Variants in NCOA5 observed in about 807,000 individuals in gnomAD.
NCOA5 encodes NCoA-5.
NCOA5 carries 12 observed loss-of-function variants against 59.0 expected under a neutral mutation model. The ratio of observed to expected loss-of-function variants is 0.20; its 90% CI spans 0.13 to 0.33. NCOA5 has a LOEUF of 0.33. Ranked by LOEUF, NCOA5 falls within the 10% of genes least tolerant of loss-of-function variation. The pLI is 1.00. For synonymous variants in NCOA5, 270 were observed against 275.5 expected (o/e 0.98, Z 0.20); for missense variants, 655 against 766.6 (o/e 0.85, Z 1.72).
In NCOA5 at chr20:46,062,248, G is replaced by T; in HGVS notation, c.*52C>A. 7.0e-7 allele frequency: 1 copy of T among 1,425,802 alleles called. No homozygotes were observed. Among genetic ancestry groups the T allele is most frequent in the Non-Finnish European group, 9.6e-7 (1 of 1,036,278 alleles). The allele number at this position is 1,425,802 out of a possible 1,614,324, so 88.3% of individuals were successfully genotyped here. On this transcript the variant is annotated 3_prime_UTR_variant, in exon 8 of 8. Coordinates refer to ENST00000290231, the MANE Select transcript of NCOA5 (RefSeq NM_020967.3). ...AAACAGCTCTATTTAGAACAAGTAAGTGGGAGGAGGCCAGGGGATGAGGGG... is the reference window on the plus strand; with the variant it reads ...AAACAGCTCTATTTAGAACAAGTAATTGGGAGGAGGCCAGGGGATGAGGGG...
At chr20:46,085,738 C>G (rs2085038733) in intron 1 of NCOA5, among the ~76,000 whole-genome samples, 1 of 152,016 alleles carries the variant, frequency 6.6e-6, no homozygotes, top group Non-Finnish European at 1.5e-5. Flanking sequence ...TGGACTAGAT[C>G]CAGATTGCAA....
intron 5 of NCOA5, among the ~76,000 whole-genome samples, chr20:46,066,273 G>A (rs1359251492): frequency 6.6e-6 from 1 of 152,160 alleles, no homozygotes; most frequent in Non-Finnish European, 1.5e-5. Context: ...TGTAAAACAG[G>A]GATGCAGTGA....
rs146685736 is a variant in NCOA5 at position 46,077,078 on chromosome 20, C to T, written c.38+2309G>A. ...GAGTACAGGCAAGAGCCATGACGCC[C>T]GGCTATTTTTTTGTAGAGATGGGGT... On this transcript the variant is annotated intron_variant, in intron 2 of 7. Coordinates refer to ENST00000290231, the MANE Select transcript of NCOA5 (RefSeq NM_020967.3). Among the ~76,000 whole-genome samples the T allele has an allele frequency of 4.5e-4, 69 of 152,150 alleles. No homozygotes were observed. The East Asian group carries it at 6.4e-3, about 14-fold the overall frequency.
intron 2 of NCOA5, among the ~76,000 whole-genome samples, chr20:46,074,451 T>G (rs1374549562): frequency 1.3e-5 from 2 of 152,040 alleles, no homozygotes; most frequent in African/African-American, 4.8e-5. Context: ...CACTAGAGGA[T>G]AAAAAGAAAC....
At chr20:46,079,573 A>C (rs541881258) in intron 1 of NCOA5, 120 bp from the exon 2 acceptor site, 1 of 813,644 alleles carries the variant, frequency 1.2e-6, no homozygotes, top group Non-Finnish European at 2.0e-6. Flanking sequence ...GTGTAAGAAA[A>C]GCCATTCAGC....
Position 46,079,454 on chromosome 20 carries a change from C to A in NCOA5, c.-29-1G>T. On this transcript the variant is annotated splice_acceptor_variant, in intron 1 of 7. Transcript: ENST00000290231. LOFTEE classifies it low-confidence loss of function (5UTR_SPLICE). The stretch of plus-strand genomic sequence containing the variant: ...CTTCTTTCCGCTGCCTTATTAATAT[C>A]TGAAAAGAATAATCAACCCATCTGT... 1 of 1,611,272 alleles carries A rather than the reference C, an allele frequency of 6.2e-7. No individual in the cohort carries two copies. Among genetic ancestry groups the A allele is most frequent in the Non-Finnish European group, 8.5e-7 (1 of 1,177,602 alleles).
At chr20:46,075,167 C>G (rs752891010) in intron 2 of NCOA5, among the ~76,000 whole-genome samples, 8 of 152,188 alleles carry the variant, frequency 5.3e-5, no homozygotes, top group Non-Finnish European at 1.2e-4. Context: ...AGGATATGGA[C>G]GTGCAATGAG....
chr20:46,085,070 G>A (rs1000196533), intron 1 of NCOA5, among the ~76,000 whole-genome samples: 1 of 152,172 alleles, frequency 6.6e-6, no homozygotes, highest in Non-Finnish European at 1.5e-5. Context: ...CAGCTCTGTT[G>A]TCCAGGCTGG....
Position 46,070,220 on chromosome 20 carries a change from G to A in NCOA5, c.355C>T (p.Pro119Ser), listed in dbSNP as rs758646068. The A allele has an allele frequency of 3.3e-5, 54 of 1,613,650 alleles. No homozygotes were observed. In the South Asian group the frequency reaches 5.7e-4, roughly 17 times the overall value. ...RYRDMRDSRD[P>S]MYRREGSYDR... ...TAACTACGTATGTACCTGTACATAG[G>A]ATCTCGGGAGTCTCTCATGTCTCTG... Residue 119 changes from proline (P) to serine (S), a missense_variant, in exon 3 of 8, where the codon CCT becomes TCT. Coordinates refer to ENST00000290231, the MANE Select transcript of NCOA5 (RefSeq NM_020967.3).
intron 2 of NCOA5, among the ~76,000 whole-genome samples, chr20:46,075,634 T>C (rs1280351217): frequency 6.6e-6 from 1 of 152,214 alleles, no homozygotes; most frequent in East Asian, 1.9e-4. Context: ...GTCTTACTTC[T>C]TGTACCTAGA....
intron 2 of NCOA5, among the ~76,000 whole-genome samples, chr20:46,075,772 G>A (rs2084931653): frequency 6.6e-6 from 1 of 152,316 alleles, no homozygotes; most frequent in East Asian, 1.9e-4. Context: ...CTAATGCTTA[G>A]TATCGATGCT....
intron 7 of NCOA5, 72 bp downstream of exon 7, chr20:46,063,288 C>A (rs1409266875): frequency 6.7e-7 from 1 of 1,500,492 alleles, no homozygotes; most frequent in East Asian, 2.3e-5. Flanking sequence ...GGCCTGACAC[C>A]CTCCCAACAG....
At position 46,062,046 on chromosome 20, in the gene NCOA5, C is replaced by T. The variant is rs6074004; in HGVS notation, c.*254G>A. The T allele has an allele frequency of 5.6e-6, 2 of 358,212 alleles. No homozygotes were observed. 22.2% of individuals were successfully genotyped at this position (358,212 alleles called of 1,614,324 possible). A position where few individuals can be genotyped will look rare whatever the true frequency, so the allele number is the denominator to read the frequency against. ...CCCCATCAAATACAAGCCCAGACACCTGTACTGCCCCCGGAGATATTTATT... is the reference window on the plus strand; with the variant it reads ...CCCCATCAAATACAAGCCCAGACACTTGTACTGCCCCCGGAGATATTTATT... On this transcript the variant is annotated 3_prime_UTR_variant, in exon 8 of 8. Coordinates refer to ENST00000290231, the MANE Select transcript of NCOA5 (RefSeq NM_020967.3).
intron 1 of NCOA5, among the ~76,000 whole-genome samples, chr20:46,081,042 T>C (rs1424753163): frequency 2.0e-5 from 3 of 152,286 alleles, no homozygotes; most frequent in East Asian, 3.9e-4. Context: ...TGTGTACCAC[T>C]TTCTAATTAT....
At chr20:46,068,415 TCAGATGGGGG>T in intron 4 of NCOA5, 77 bp downstream of exon 4, 1 of 1,426,820 alleles carries the variant, frequency 7.0e-7, no homozygotes, top group Admixed American at 2.5e-5. Flanking sequence ...TAGCCCTTTT[TCAGATGGGGG>T]TACTGGTTAT....
At chr20:46,078,925 C>G (rs1325914831) in intron 2 of NCOA5, among the ~76,000 whole-genome samples, 3 of 152,162 alleles carry the variant, frequency 2.0e-5, no homozygotes, top group Non-Finnish European at 4.4e-5. Flanking sequence ...AACAGGGGAT[C>G]TGCAGCACAG....
intron 4 of NCOA5, 120 bp from the exon 5 acceptor site, chr20:46,067,301 C>G: frequency 8.6e-7 from 1 of 1,166,282 alleles, no homozygotes; most frequent in Non-Finnish European, 1.2e-6. Context: ...CTCCTAAAAA[C>G]AGCCAGTATT....
chr20:46,068,683 T>C (rs895307867), intron 3 of NCOA5, 45 bp from the exon 4 acceptor site: 2 of 1,583,832 alleles, frequency 1.3e-6, no homozygotes, highest in South Asian at 1.2e-5. Flanking sequence ...CTGTGTCTTA[T>C]CCTGAAAAAG....
intron 2 of NCOA5, among the ~76,000 whole-genome samples, chr20:46,074,021 G>A (rs2145539464): frequency 6.6e-6 from 1 of 152,296 alleles, no homozygotes; most frequent in East Asian, 1.9e-4. Context: ...AGAACCAAAG[G>A]CATGGTGGAA....
Sources: allele counts gnomAD v4.1 joint callset (sites outside exome capture counted in the v4.1 genomes callset), GRCh38; gene constraint gnomAD v4.1.1; transcripts MANE v1.5; gene names NCBI Gene and HGNC (gene_info 2026-07-23, HGNC 2026-07-21).